Variants in ANXA10 observed in about 807,000 individuals in gnomAD.
ANXA10 encodes annexin A10.
In ANXA10, 49 loss-of-function variants were observed where a neutral mutation model predicts 53.5. That is an observed-to-expected ratio of 0.92 (90% CI 0.73 to 1.16). ANXA10 has a LOEUF of 1.16. ANXA10 is among the 50% of genes most tolerant of loss of function. The pLI is 0.00. For missense variants in ANXA10, 393 were observed against 394.4 expected, an observed-to-expected ratio of 1.00 and a Z score of 0.03; for synonymous variants, 131 against 128.9, an observed-to-expected ratio of 1.02 and a Z score of -0.11.
chr4:168,151,447 T>G (rs1477544773), intron 3 of ANXA10, among the ~76,000 whole-genome samples: 1 of 152,152 alleles, frequency 6.6e-6, no homozygotes, highest in Non-Finnish European at 1.5e-5. Flanking sequence ...GCAGCAAGGG[T>G]AGTCTGCAGT....
chr4:168,153,422 C>CAAAAAAAAAAAAAAAAAA lies in ANXA10; in HGVS notation c.196-9104_196-9087dup, dbSNP rs61179704. 9.7e-4 allele frequency among the ~76,000 whole-genome samples: 42 copies of CAAAAAAAAAAAAAAAAAA among 43,462 alleles called. 1 individual carries two copies. Among genetic ancestry groups the CAAAAAAAAAAAAAAAAAA allele is most frequent in the African/African-American group, 1.4e-3 (18 of 12,580 alleles). 28.5% of individuals were successfully genotyped at this position (43,462 alleles called of 152,430 possible). A position where few individuals can be genotyped will look rare whatever the true frequency, so the allele number is the denominator to read the frequency against. ...GCTTCAAGCTGCTAAAAGCCTAAAG[C>CAAAAAAAAAAAAAAAAAA]AAAAAAAAAAAAAAAAAAACAAAAA... On this transcript the variant is annotated intron_variant, in intron 3 of 11. Transcript: ENST00000359299.
intron 1 of ANXA10, among the ~76,000 whole-genome samples, chr4:168,103,974 C>T (rs1430865524): frequency 6.6e-6 from 1 of 151,744 alleles, no homozygotes; most frequent in Non-Finnish European, 1.5e-5. Flanking sequence ...CTAGAGCAGA[C>T]TGGGGCGCTG....
intron 6 of ANXA10, among the ~76,000 whole-genome samples, chr4:168,170,501 C>G (rs570011636): frequency 6.6e-6 from 1 of 152,244 alleles, no homozygotes; most frequent in African/African-American, 2.4e-5. Flanking sequence ...TCCTAATAGG[C>G]ATAAAGGTCT....
At chr4:168,125,766 T>G (rs1178766562) in intron 1 of ANXA10, among the ~76,000 whole-genome samples, 1 of 152,150 alleles carries the variant, frequency 6.6e-6, no homozygotes, top group Non-Finnish European at 1.5e-5. Flanking sequence ...GGAAGATGGT[T>G]TCTAGAACTA....
At chr4:168,158,530 T>C (rs1731727737) in intron 3 of ANXA10, among the ~76,000 whole-genome samples, 1 of 152,090 alleles carries the variant, frequency 6.6e-6, no homozygotes, top group African/African-American at 2.4e-5. Flanking sequence ...TGGTACTTTC[T>C]TCTAGAAGAT....
intron 1 of ANXA10, among the ~76,000 whole-genome samples, chr4:168,125,711 A>G (rs1464044839): frequency 4.6e-5 from 7 of 152,186 alleles, no homozygotes; most frequent in African/African-American, 1.7e-4. Context: ...GCATTAATAA[A>G]TTTGAAATTT....
chr4:168,151,097 G>C (rs866744797), intron 3 of ANXA10, among the ~76,000 whole-genome samples: 1 of 152,092 alleles, frequency 6.6e-6, no homozygotes, highest in African/African-American at 2.4e-5. Flanking sequence ...AGGGACTTAG[G>C]ATTTCATTTT....
intron 1 of ANXA10, among the ~76,000 whole-genome samples, chr4:168,111,805 A>G (rs116103073): frequency 0.022 from 3,365 of 152,270 alleles, 121 homozygotes; most frequent in African/African-American, 0.073. Context: ...ATGTTCACTG[A>G]ATTTAAATAT....
intron 1 of ANXA10, among the ~76,000 whole-genome samples, chr4:168,110,155 G>A (rs574595232): frequency 2.6e-5 from 4 of 152,182 alleles, no homozygotes; most frequent in Non-Finnish European, 5.9e-5. Flanking sequence ...AGCTTGCAGT[G>A]AGCCGGGATA....
intron 4 of ANXA10, among the ~76,000 whole-genome samples, chr4:168,163,907 G>A (rs1345650347): frequency 6.6e-6 from 1 of 152,160 alleles, no homozygotes. Context: ...AATGCTCAAT[G>A]CCATGAGCAT....
chr4:168,112,538 GT>G (rs1730827835), intron 1 of ANXA10, among the ~76,000 whole-genome samples: 2 of 152,018 alleles, frequency 1.3e-5, no homozygotes, highest in Non-Finnish European at 2.9e-5. Context: ...TTATGTCAGA[GT>G]TTTTTCATAA....
intron 1 of ANXA10, among the ~76,000 whole-genome samples, chr4:168,111,447 CA>C (rs942347183): frequency 1.3e-4 from 19 of 151,750 alleles, no homozygotes; most frequent in Admixed American, 4.6e-4. Flanking sequence ...GAATAATAAT[CA>C]AAAAAAGAGT....
In ANXA10 at chr4:168,125,334, C is replaced by T. The variant is rs943276841; in HGVS notation, c.19-2750C>T. On this transcript the variant is annotated intron_variant, in intron 1 of 11. Transcript: ENST00000359299. ...TTAACTAGAGATCTAGTATCAACTG[C>T]ACTAAAACTAAGCTACTTCAAACAT... 1.7e-3 allele frequency among the ~76,000 whole-genome samples: 266 copies of T among 152,216 alleles called. 2 individuals are homozygous for T. Among genetic ancestry groups the T allele is most frequent in the African/African-American group, 6.2e-3 (256 of 41,528 alleles).
chr4:168,120,611 C>T (rs537908454), intron 1 of ANXA10, among the ~76,000 whole-genome samples: 7 of 151,950 alleles, frequency 4.6e-5, no homozygotes, highest in Non-Finnish European at 7.4e-5. Flanking sequence ...TAATAAAATA[C>T]CTAACAACGT....
chr4:168,092,637 A>G lies in ANXA10; in HGVS notation c.-64A>G. 1 of 1,475,742 alleles carries G rather than the reference A, an allele frequency of 6.8e-7. No homozygotes were observed. Among genetic ancestry groups the G allele is most frequent in the South Asian group, 1.2e-5 (1 of 82,766 alleles). The allele number at this position is 1,475,742 out of a possible 1,614,324, so 91.4% of individuals were successfully genotyped here. A position where few individuals can be genotyped will look rare whatever the true frequency, so the allele number is the denominator to read the frequency against. ...GAACCTTAATTCTTTCTGGCTTCAC[A>G]GTGAAACAAGTTTATGCAATCGATC... On this transcript the variant is annotated 5_prime_UTR_variant, in exon 1 of 12. Transcript: ENST00000359299.
intron 1 of ANXA10, among the ~76,000 whole-genome samples, chr4:168,117,537 C>T (rs748869423): frequency 7.2e-5 from 11 of 152,076 alleles, no homozygotes; most frequent in East Asian, 1.9e-4. Flanking sequence ...TGCCATTGTA[C>T]GGTAAGTCCT....
intron 3 of ANXA10, among the ~76,000 whole-genome samples, chr4:168,149,797 C>G (rs1409693334): frequency 6.6e-6 from 1 of 152,194 alleles, no homozygotes; most frequent in Non-Finnish European, 1.5e-5. Context: ...GGAAAATGTT[C>G]TCCTACTCAA....
chr4:168,165,887 G>T (rs894628413), intron 6 of ANXA10, among the ~76,000 whole-genome samples: 1 of 152,068 alleles, frequency 6.6e-6, no homozygotes. Flanking sequence ...ATGTTGGCAA[G>T]GCTGGTCTCA....
At chr4:168,185,554 T>G (rs1278509879) in intron 11 of ANXA10, among the ~76,000 whole-genome samples, 1 of 152,242 alleles carries the variant, frequency 6.6e-6, no homozygotes, top group Non-Finnish European at 1.5e-5. Flanking sequence ...ATTCTGATAC[T>G]TTTAAACTTC....
Sources: allele counts gnomAD v4.1 joint callset (sites outside exome capture counted in the v4.1 genomes callset), GRCh38; gene constraint gnomAD v4.1.1; transcripts MANE v1.5; gene names NCBI Gene and HGNC (gene_info 2026-07-23, HGNC 2026-07-21).